The following COBLL1 variants were observed in gnomAD, a reference collection of about 807,000 sequenced individuals.
COBLL1 encodes the protein cordon-bleu protein-like 1.
In COBLL1, 50 loss-of-function variants were observed where a neutral mutation model predicts 94.8. The ratio of observed to expected loss-of-function variants is 0.53; its 90% CI spans 0.42 to 0.67. COBLL1 has a LOEUF of 0.67. COBLL1 is among the 30% of genes least tolerant of loss of function. The pLI is 0.00. For missense variants in COBLL1, 1,362 were observed against 1,348.7 expected, an observed-to-expected ratio of 1.01 and a Z score of -0.15; for synonymous variants, 448 against 473.8, an observed-to-expected ratio of 0.95 and a Z score of 0.71.
intron 2 of COBLL1, among the ~76,000 whole-genome samples, chr2:164,763,033 G>T (rs1687762416): frequency 6.6e-6 from 1 of 152,080 alleles, no homozygotes; most frequent in Admixed American, 6.5e-5. Flanking sequence ...AGGTTTGCTG[G>T]AACATGAACA....
At chr2:164,805,829 T>C (rs878975194) in intron 2 of COBLL1, among the ~76,000 whole-genome samples, 1 of 152,142 alleles carries the variant, frequency 6.6e-6, no homozygotes, top group Admixed American at 6.5e-5. Context: ...AAGTTTTCAG[T>C]TCATTTGGGT....
At position 164,659,410 on chromosome 2, in the gene COBLL1, C is replaced by T. The variant is rs188915634; in HGVS notation, n.182-5496G>A. Reference sequence around the variant, plus strand: ...TTACTTGTTGACAGTTATGTTCTATCTTTTCTTCATTGTCTGGAAGAAATG... The same window carrying T: ...TTACTTGTTGACAGTTATGTTCTATTTTTTCTTCATTGTCTGGAAGAAATG... On this transcript the variant is annotated intron_variant and non_coding_transcript_variant, in intron 2 of 2. Coordinates refer to the COBLL1 transcript ENST00000495084. Among the ~76,000 whole-genome samples the T allele has an allele frequency of 1.4e-3, 219 of 152,332 alleles. 1 individual carries two copies. The East Asian group carries it at 0.018, about 12-fold the overall frequency.
chr2:164,800,626 T>A, intron 2 of COBLL1: 1 of 694,378 alleles, frequency 1.4e-6, no homozygotes, highest in East Asian at 2.7e-5. Context: ...GTTCTATTCA[T>A]AATGAACCCA....
chr2:164,747,683 C>A (rs1403549140), intron 2 of COBLL1, among the ~76,000 whole-genome samples: 13 of 152,068 alleles, frequency 8.5e-5, no homozygotes, highest in Non-Finnish European at 1.6e-4. Flanking sequence ...GCCATGTTGG[C>A]CAGGCTGGTC....
chr2:164,744,391 AC>A (rs1214297257), intron 2 of COBLL1, among the ~76,000 whole-genome samples: 1 of 151,930 alleles, frequency 6.6e-6, no homozygotes, highest in Non-Finnish European at 1.5e-5. Flanking sequence ...GCCCCAAACT[AC>A]CCCTTCCACA....
At chr2:164,717,794 C>T (rs1380372645) in intron 7 of COBLL1, among the ~76,000 whole-genome samples, 1 of 152,054 alleles carries the variant, frequency 6.6e-6, no homozygotes, top group East Asian at 1.9e-4. Flanking sequence ...GAACTCCCGG[C>T]TTTTAAGTGA....
chr2:164,728,684 T>G (rs1245116277), intron 4 of COBLL1, among the ~76,000 whole-genome samples: 11 of 152,056 alleles, frequency 7.2e-5, no homozygotes, highest in Admixed American at 7.2e-4. Context: ...ATAATCCATA[T>G]GAAAAGCTTA....
chr2:164,755,960 T>A (rs1254307099), intron 2 of COBLL1, among the ~76,000 whole-genome samples: 1 of 152,154 alleles, frequency 6.6e-6, no homozygotes, highest in African/African-American at 2.4e-5. Context: ...TAGGGCCAGC[T>A]TTTGTTCACC....
intron 2 of COBLL1, among the ~76,000 whole-genome samples, chr2:164,748,872 T>C (rs1482095535): frequency 1.3e-5 from 2 of 152,188 alleles, no homozygotes; most frequent in Non-Finnish European, 2.9e-5. Flanking sequence ...TTATTAAAAT[T>C]ATCTCAATAT....
Position 164,695,540 on chromosome 2 carries a change from G to A in COBLL1, c.1852C>T (p.Gln618Ter). The change falls in exon 12 of 14, where the codon CAA (glutamine) becomes TAA (stop). Residue 618 changes from glutamine to a stop codon, truncating the protein, a stop_gained. Transcript: ENST00000652658. LOFTEE classifies it high-confidence loss of function. ...TTGGAGTCAGATAAATTATGATCTTGGTGTTTCCCATCAAAACTGTTACAA... is the reference window on the plus strand; with the variant it reads ...TTGGAGTCAGATAAATTATGATCTTAGTGTTTCCCATCAAAACTGTTACAA... The part of the protein sequence containing the change: ...PSCNSFDGKH[Q>*]DHNLSDSKVE... 6.2e-7 allele frequency: 1 copy of A among 1,613,844 alleles called. No homozygotes were observed. Among genetic ancestry groups the A allele is most frequent in the Non-Finnish European group, 8.5e-7 (1 of 1,179,888 alleles).
intron 2 of COBLL1, among the ~76,000 whole-genome samples, chr2:164,664,909 A>G (rs115522434): frequency 6.6e-6 from 1 of 152,198 alleles, no homozygotes; most frequent in African/African-American, 2.4e-5. Context: ...CTGAAAAATG[A>G]AAGTGTGGCT....
intron 2 of COBLL1, among the ~76,000 whole-genome samples, chr2:164,790,522 T>C (rs1683135690): frequency 6.6e-6 from 1 of 152,206 alleles, no homozygotes. Flanking sequence ...CACGCAATCT[T>C]GTTTACATCA....
At chr2:164,807,825 A>G (rs1325094519) in intron 2 of COBLL1, among the ~76,000 whole-genome samples, 6 of 151,654 alleles carry the variant, frequency 4.0e-5, no homozygotes, top group African/African-American at 1.5e-4. Flanking sequence ...ATCTTATTTT[A>G]TTTTATTTCA....
intron 2 of COBLL1, among the ~76,000 whole-genome samples, chr2:164,823,181 T>A (rs927557024): frequency 2.0e-5 from 3 of 152,186 alleles, no homozygotes; most frequent in African/African-American, 7.2e-5. Flanking sequence ...TTCAATCATG[T>A]TTTCATTACG....
At chr2:164,677,064 T>C (rs1216357566), downstream of COBLL1, among the ~76,000 whole-genome samples, 1 of 152,144 alleles carries the variant, frequency 6.6e-6, no homozygotes, top group African/African-American at 2.4e-5. Flanking sequence ...ATCTCCTAAA[T>C]TTAATGTTTA....
Position 164,819,804 on chromosome 2 carries a change from G to GT in COBLL1, c.41+21351dup, listed in dbSNP as rs144399441. Among the ~76,000 whole-genome samples the GT allele has an allele frequency of 4.0e-3, 589 of 148,274 alleles. 6 individuals carry two copies. The highest frequency in any genetic ancestry group is 0.011 in the South Asian group (52 of 4,664). On this transcript the variant is annotated intron_variant, in intron 2 of 13. Transcript: ENST00000652658. ...AGAACATGTAGTTTTTTTTGCCACT[G>GT]TTTTTTTTTTGTTTTGTTTTTGTTT...
chr2:164,759,997 C>A (rs1482637062), intron 2 of COBLL1, among the ~76,000 whole-genome samples: 2 of 152,096 alleles, frequency 1.3e-5, no homozygotes, highest in Non-Finnish European at 2.9e-5. Context: ...TTGGCACTGC[C>A]ATATAGAACT....
At chr2:164,835,283 G>A (rs1304512591) in intron 2 of COBLL1, among the ~76,000 whole-genome samples, 1 of 152,054 alleles carries the variant, frequency 6.6e-6, no homozygotes, top group Non-Finnish European at 1.5e-5. Context: ...ATCCACTGAT[G>A]GATGGATAAG....
In COBLL1 at chr2:164,705,021, T is replaced by A. The variant is rs767745501; in HGVS notation, c.1081A>T (p.Lys361Ter). 1 of 1,605,354 alleles carries A rather than the reference T, an allele frequency of 6.2e-7. No individual in the cohort carries two copies. Among genetic ancestry groups the A allele is most frequent in the Non-Finnish European group, 8.5e-7 (1 of 1,176,080 alleles). Residue 361 changes from lysine (K) to a stop codon, truncating the protein, a stop_gained, in exon 8 of 14, where the codon AAG becomes TAG. Coordinates refer to ENST00000652658, the MANE Select transcript of COBLL1 (RefSeq NM_001365672.2). LOFTEE classifies it high-confidence loss of function. ...SAGNSSLRRT[K>*]RKAPSPPSKI... ...GAGGGTGGGGAAGGTGCTTTTCGCT[T>A]TGTCCTTCTCAAAGATGAATTCCCT...
Sources: allele counts gnomAD v4.1 joint callset (sites outside exome capture counted in the v4.1 genomes callset), GRCh38; gene constraint gnomAD v4.1.1; transcripts MANE v1.5; gene names NCBI Gene and HGNC (gene_info 2026-07-23, HGNC 2026-07-21).